The following CNOT2 variants were observed in gnomAD, a reference collection of about 807,000 sequenced individuals.
CNOT2 encodes CCR4-NOT transcription complex subunit 2.
A neutral mutation model predicts 72.1 loss-of-function variants in CNOT2; 7 were observed. That is an observed-to-expected ratio of 0.10 (90% CI 0.06 to 0.18). CNOT2 has a LOEUF of 0.18. Ranked by LOEUF, CNOT2 falls within the 10% of genes least tolerant of loss-of-function variation. The pLI, the probability that CNOT2 is intolerant of heterozygous loss-of-function variation, is 1.00. For missense variants in CNOT2, 345 were observed against 660.3 expected (o/e 0.52, Z 5.23); for synonymous variants, 196 against 225.6 (o/e 0.87, Z 1.17).
At position 70,302,510 on chromosome 12, in the gene CNOT2, A is replaced by G. The variant is rs1376970882; in HGVS notation, c.49-8385A>G. Reference sequence around the variant, plus strand: ...TTCAGGAGCAGGTTGTTCAGTTTCCATGTAGTTGAGAGGTTTTGAGTGAGT... The same window carrying G: ...TTCAGGAGCAGGTTGTTCAGTTTCCGTGTAGTTGAGAGGTTTTGAGTGAGT... On this transcript the variant is annotated intron_variant, in intron 2 of 15. Transcript: ENST00000229195. 3.3e-5 allele frequency among the ~76,000 whole-genome samples: 5 copies of G among 151,904 alleles called. No homozygotes were observed. In the East Asian group the frequency reaches 9.7e-4, roughly 29 times the overall value.
intron 2 of CNOT2, among the ~76,000 whole-genome samples, chr12:70,290,152 G>C (rs1871634421): frequency 6.6e-6 from 1 of 151,328 alleles, no homozygotes; most frequent in East Asian, 1.9e-4. Context: ...TTCTACTCTG[G>C]CTCATAGGAA....
intron 2 of CNOT2, among the ~76,000 whole-genome samples, chr12:70,293,834 T>C (rs1259763419): frequency 6.6e-6 from 1 of 151,912 alleles, no homozygotes; most frequent in Non-Finnish European, 1.5e-5. Flanking sequence ...GAACACACTG[T>C]CTTACATGTT....
chr12:70,292,174 G>T (rs1872031907), intron 2 of CNOT2, among the ~76,000 whole-genome samples: 1 of 152,118 alleles, frequency 6.6e-6, no homozygotes, highest in African/African-American at 2.4e-5. Flanking sequence ...TCATATATTG[G>T]AATATATGCA....
chr12:70,296,822 C>T (rs73324106), intron 2 of CNOT2, among the ~76,000 whole-genome samples: 78,587 of 149,532 alleles, frequency 0.53, 21,026 homozygotes, highest in African/African-American at 0.64. Flanking sequence ...ATAGTAGTTG[C>T]GAAGCAGGAT....
At chr12:70,248,206 T>G (rs547283522) in intron 1 of CNOT2, among the ~76,000 whole-genome samples, 4 of 152,334 alleles carry the variant, frequency 2.6e-5, no homozygotes, top group South Asian at 2.1e-4. Context: ...CTTCTGAAGA[T>G]AGATTCTGTT....
chr12:70,282,857 G>A (rs899019527), intron 2 of CNOT2, among the ~76,000 whole-genome samples: 1 of 151,666 alleles, frequency 6.6e-6, no homozygotes, highest in Non-Finnish European at 1.5e-5. Flanking sequence ...ATTATTTTGA[G>A]TAGGAAAAAT....
At chr12:70,272,907 T>C (rs879345291) in intron 1 of CNOT2, among the ~76,000 whole-genome samples, 3 of 152,236 alleles carry the variant, frequency 2.0e-5, no homozygotes, top group Non-Finnish European at 4.4e-5. Context: ...TACTATGGCC[T>C]ACCTGAATCT....
In CNOT2 at chr12:70,351,369, C is replaced by T. The variant is rs185247850; in HGVS notation, c.1537-2460C>T. On this transcript the variant is annotated intron_variant, in intron 15 of 15. Coordinates refer to ENST00000229195, the MANE Select transcript of CNOT2 (RefSeq NM_014515.7). Reference sequence around the variant, plus strand: ...GTGTAGTATGTGTGTGTATATATAACAAACATGTAAATGGTGTTACCAGTA... The same window carrying T: ...GTGTAGTATGTGTGTGTATATATAATAAACATGTAAATGGTGTTACCAGTA... Among the ~76,000 whole-genome samples the T allele has an allele frequency of 7.9e-5, 12 of 152,120 alleles. No individual in the cohort carries two copies. The East Asian group carries it at 2.3e-3, about 29-fold the overall frequency.
intron 1 of CNOT2, among the ~76,000 whole-genome samples, chr12:70,266,884 ACTAT>A (rs1959073891): frequency 6.6e-6 from 1 of 151,776 alleles, no homozygotes; most frequent in African/African-American, 2.4e-5. Context: ...ATTCTTTTGG[ACTAT>A]CTATATCTAA....
intron 2 of CNOT2, among the ~76,000 whole-genome samples, chr12:70,303,735 C>T (rs1258963701): frequency 6.6e-6 from 1 of 152,122 alleles, no homozygotes; most frequent in Non-Finnish European, 1.5e-5. Context: ...GTGGAGTCCT[C>T]TCTATTTCCT....
rs35192504 is a variant in CNOT2, at chr12:70,353,913, TAAAAAAAAAAA to T, written c.*13_*23del. On this transcript the variant is annotated stop_retained_variant and 3_prime_UTR_variant, in exon 16 of 16. Coordinates refer to ENST00000229195, the MANE Select transcript of CNOT2 (RefSeq NM_014515.7). Reference sequence around the variant, plus strand: ...CTACAACCCTGCTCAGCAAGCCTTCTAAAAAAAAAAAAAAAAAAAAAAAAAGACTTCCCTTT... The same window carrying T: ...CTACAACCCTGCTCAGCAAGCCTTCTAAAAAAAAAAAAAAGACTTCCCTTT... 123 of 1,275,478 alleles carry T rather than the reference TAAAAAAAAAAA, an allele frequency of 9.6e-5. No homozygotes were observed. Among genetic ancestry groups the T allele is most frequent in the Non-Finnish European group, 1.1e-4 (110 of 1,009,618 alleles). The allele number at this position is 1,275,478 out of a possible 1,614,324, so 79.0% of individuals were successfully genotyped here.
chr12:70,300,621 A>C (rs574013180), intron 2 of CNOT2, among the ~76,000 whole-genome samples: 1 of 152,264 alleles, frequency 6.6e-6, no homozygotes, highest in Admixed American at 6.5e-5. Flanking sequence ...TGGTTACTGT[A>C]GCCTTGTAGT....
At chr12:70,321,581 T>G (rs542532914) in intron 4 of CNOT2, 10 of 151,850 alleles carry the variant, frequency 6.6e-5, no homozygotes, top group Non-Finnish European at 1.2e-4. Context: ...TAATTGCACA[T>G]TGAGATTGGT....
In CNOT2 at chr12:70,354,166, C is replaced by A; in HGVS notation, c.*251C>A. 1 of 574,594 alleles carries A rather than the reference C, an allele frequency of 1.7e-6. No homozygotes were observed. The highest frequency in any genetic ancestry group is 2.6e-6 in the Non-Finnish European group (1 of 383,666). The allele number at this position is 574,594 out of a possible 1,614,324, so 35.6% of individuals were successfully genotyped here. On this transcript the variant is annotated 3_prime_UTR_variant, in exon 16 of 16. Coordinates refer to ENST00000229195, the MANE Select transcript of CNOT2 (RefSeq NM_014515.7). ...AGGGTCTGAATTTTTTCATTTATTTCCTTTTTTGCCAGCAGACAGACTTGA... is the reference window on the plus strand; with the variant it reads ...AGGGTCTGAATTTTTTCATTTATTTACTTTTTTGCCAGCAGACAGACTTGA...
intron 2 of CNOT2, among the ~76,000 whole-genome samples, chr12:70,298,209 T>C (rs1327907104): frequency 6.6e-6 from 1 of 152,232 alleles, no homozygotes; most frequent in Non-Finnish European, 1.5e-5. Context: ...GCTAAAGTGA[T>C]CTTTTTGACA....
intron 2 of CNOT2, among the ~76,000 whole-genome samples, chr12:70,304,589 G>T (rs1874845382): frequency 6.6e-6 from 1 of 152,194 alleles, no homozygotes; most frequent in African/African-American, 2.4e-5. Context: ...ATCTGGCCGT[G>T]TGGGGTGTCA....
At chr12:70,265,326 TTTC>T (rs1958987719) in intron 1 of CNOT2, among the ~76,000 whole-genome samples, 1 of 149,124 alleles carries the variant, frequency 6.7e-6, no homozygotes, top group African/African-American at 2.4e-5. Flanking sequence ...TTCTCTTCTC[TTTC>T]TTTCTTTTTT....
intron 2 of CNOT2, among the ~76,000 whole-genome samples, chr12:70,300,677 G>T (rs1220914076): frequency 2.0e-5 from 3 of 152,100 alleles, no homozygotes; most frequent in Non-Finnish European, 4.4e-5. Context: ...TTGTTCTTTT[G>T]GCTTAGGATT....
At chr12:70,349,108 G>A (rs1882558612) in intron 15 of CNOT2, among the ~76,000 whole-genome samples, 1 of 151,922 alleles carries the variant, frequency 6.6e-6, no homozygotes, top group Non-Finnish European at 1.5e-5. Context: ...GCTCACTCTT[G>A]GTTATATTAA....
Sources: gnomAD v4.1 joint callset for allele counts (sites outside exome capture counted in the v4.1 genomes callset) on GRCh38, gnomAD v4.1.1 for gene constraint, MANE v1.5 for transcripts, NCBI Gene and HGNC (gene_info 2026-07-23, HGNC 2026-07-21) for gene names.